RANBP2: variants seen among roughly 807,000 people sequenced by gnomAD.
RANBP2 encodes RAN binding protein 2, also known as E3 SUMO-protein ligase RanBP2.
RANBP2 carries 57 observed loss-of-function variants against 303.6 expected under a neutral mutation model. The ratio of observed to expected loss-of-function variants is 0.19; its 90% CI spans 0.15 to 0.23. RANBP2 has a LOEUF of 0.23. RANBP2 is among the 10% of genes least tolerant of loss of function. RANBP2 has a pLI of 1.00. For synonymous variants in RANBP2, 1,167 were observed against 1,301.5 expected (o/e 0.90, Z 2.23); for missense variants, 3,138 against 3,780.8 (o/e 0.83, Z 4.46).
At chr2:108,998,787 A>ATGGCAACTTATC in the RANBP2 span, among the ~76,000 whole-genome samples, 1 of 151,892 alleles carries the variant, frequency 6.6e-6, no homozygotes, top group African/African-American at 2.4e-5. Context: ...ATTTTTAAAT[A>ATGGCAACTTATC]TGGCAACTTA....
chr2:109,283,220 C>G, the RANBP2 span, among the ~76,000 whole-genome samples: 2 of 152,220 alleles, frequency 1.3e-5, no homozygotes, highest in African/African-American at 4.8e-5. Flanking sequence ...CAGGCCCCAG[C>G]CTGGCAGTCT....
chr2:109,299,202 C>T, the RANBP2 span, among the ~76,000 whole-genome samples: 5 of 152,236 alleles, frequency 3.3e-5, no homozygotes, highest in East Asian at 9.6e-4. Context: ...GTTAAAACTG[C>T]GACCCTGCCT....
At chr2:108,819,383 A>G in the RANBP2 span, among the ~76,000 whole-genome samples, 1 of 152,212 alleles carries the variant, frequency 6.6e-6, no homozygotes, top group African/African-American at 2.4e-5. Flanking sequence ...ATTTTGGCTT[A>G]TCCAAAGTCT....
chr2:109,376,584 C>G, the RANBP2 span, among the ~76,000 whole-genome samples: 2 of 152,350 alleles, frequency 1.3e-5, no homozygotes, highest in East Asian at 3.9e-4. Context: ...CAAGCTCTGC[C>G]TCCACATTGA....
At chr2:109,578,801 G>A in the RANBP2 span, among the ~76,000 whole-genome samples, 3 of 151,964 alleles carry the variant, frequency 2.0e-5, no homozygotes, top group African/African-American at 7.2e-5. Context: ...TACTGAAATT[G>A]AAAATACTAT....
chr2:108,925,564 G>C, the RANBP2 span, among the ~76,000 whole-genome samples: 1 of 152,194 alleles, frequency 6.6e-6, no homozygotes, highest in Admixed American at 6.5e-5. Flanking sequence ...CATGTGTATG[G>C]GTCAAGCTAT....
chr2:108,889,226 A>G, the RANBP2 span, among the ~76,000 whole-genome samples: 11 of 152,200 alleles, frequency 7.2e-5, no homozygotes, highest in Admixed American at 1.3e-4. Context: ...CATATGGTCT[A>G]TCCTGGAGAA....
the RANBP2 span, among the ~76,000 whole-genome samples, chr2:109,700,256 G>C: frequency 1.3e-5 from 2 of 152,176 alleles, no homozygotes; most frequent in African/African-American, 2.4e-5. Flanking sequence ...ATCTGAGACA[G>C]GTCTCAGTTA....
the RANBP2 span, among the ~76,000 whole-genome samples, chr2:109,082,030 A>G: frequency 6.6e-6 from 1 of 152,204 alleles, no homozygotes; most frequent in Non-Finnish European, 1.5e-5. Flanking sequence ...CTGTCAACCC[A>G]AATGCAAAGG....
At chr2:109,120,878 C>A in the RANBP2 span, among the ~76,000 whole-genome samples, 1 of 152,118 alleles carries the variant, frequency 6.6e-6, no homozygotes, top group Non-Finnish European at 1.5e-5. Context: ...AGAAGCCCTG[C>A]ACCAGGTAAC....
the RANBP2 span, among the ~76,000 whole-genome samples, chr2:109,184,819 T>A: frequency 2.6e-5 from 4 of 152,246 alleles, no homozygotes; most frequent in Admixed American, 1.3e-4. Flanking sequence ...CCAAGCCCAA[T>A]GAGGCAGTTA....
the RANBP2 span, among the ~76,000 whole-genome samples, chr2:109,249,563 C>A: frequency 7.4e-6 from 1 of 135,006 alleles, no homozygotes; most frequent in East Asian, 2.1e-4. Flanking sequence ...TTCCTTCCTT[C>A]CTTCCTTCCT....
the RANBP2 span, among the ~76,000 whole-genome samples, chr2:109,362,289 T>C: frequency 6.6e-6 from 1 of 152,210 alleles, no homozygotes; most frequent in Non-Finnish European, 1.5e-5. Context: ...TCAAAATATT[T>C]TTTAAATTTC....
chr2:108,941,928 A>C, the RANBP2 span, among the ~76,000 whole-genome samples: 2 of 152,216 alleles, frequency 1.3e-5, no homozygotes, highest in Non-Finnish European at 2.9e-5. Context: ...CAGCTGACAA[A>C]GCTCTGCTGC....
the RANBP2 span, among the ~76,000 whole-genome samples, chr2:108,814,506 G>T: frequency 1.3e-5 from 2 of 151,914 alleles, no homozygotes; most frequent in Non-Finnish European, 2.9e-5. Context: ...GTGAAAAATT[G>T]CTCTTCAGAA....
the RANBP2 span, among the ~76,000 whole-genome samples, chr2:109,549,433 T>C: frequency 6.6e-6 from 1 of 152,186 alleles, no homozygotes; most frequent in African/African-American, 2.4e-5. Flanking sequence ...CAGGGAAGTG[T>C]GAATGTGACT....
chr2:109,543,998 C>A, the RANBP2 span: 6 of 684,162 alleles, frequency 8.8e-6, no homozygotes, highest in Admixed American at 1.2e-4. Context: ...ACTGAACCAT[C>A]AGAAAGCAAA....
the RANBP2 span, among the ~76,000 whole-genome samples, chr2:109,569,036 G>C: frequency 6.6e-6 from 1 of 152,156 alleles, no homozygotes; most frequent in East Asian, 1.9e-4. Flanking sequence ...TTTGTGACTG[G>C]TGGTTCTTAA....
At chr2:108,830,722 C>G in the RANBP2 span, among the ~76,000 whole-genome samples, 3 of 151,790 alleles carry the variant, frequency 2.0e-5, no homozygotes, top group Non-Finnish European at 4.4e-5. Flanking sequence ...GCAAGAGAGT[C>G]GCTTGAACCC....
Sources: allele counts gnomAD v4.1 joint callset (sites outside exome capture counted in the v4.1 genomes callset), GRCh38; gene constraint gnomAD v4.1.1; transcripts MANE v1.5; gene names NCBI Gene and HGNC (gene_info 2026-07-23, HGNC 2026-07-21).